The following ZNF532 variants were observed in gnomAD, a reference collection of about 807,000 sequenced individuals.
The protein encoded by ZNF532 is zinc finger protein 532.
A neutral mutation model predicts 89.3 loss-of-function variants in ZNF532; 22 were observed. That is an observed-to-expected ratio of 0.25 (90% CI 0.18 to 0.35). The LOEUF (loss-of-function observed/expected upper bound fraction) is 0.35. Among genes scored for constraint, ZNF532 ranks in the 10% least tolerant of loss-of-function variants. ZNF532 has a pLI of 1.00. For synonymous variants in ZNF532, 606 were observed against 649.6 expected (o/e 0.93, Z 1.02); for missense variants, 1,132 against 1,643.4 (o/e 0.69, Z 5.38).
intron 2 of ZNF532, among the ~76,000 whole-genome samples, chr18:58,895,805 C>T (rs2059207712): frequency 1.3e-5 from 2 of 152,154 alleles, no homozygotes; most frequent in Middle Eastern, 3.4e-3. Context: ...TAAGGGGTGC[C>T]AGACATTAGA....
intron 5 of ZNF532, among the ~76,000 whole-genome samples, chr18:58,941,963 T>TCCCCCTCC (rs1185416179): frequency 1.9e-5 from 2 of 106,582 alleles, no homozygotes; most frequent in Non-Finnish European, 3.9e-5. Flanking sequence ...TCCCTCCCTC[T>TCCCCCTCC]CTCCCTCCCT....
Position 58,919,708 on chromosome 18 carries a change from C to A in ZNF532, c.1421C>A (p.Thr474Asn), listed in dbSNP as rs751865763. 1 of 1,613,970 alleles carries A rather than the reference C, an allele frequency of 6.2e-7. No individual in the cohort carries two copies. Among genetic ancestry groups the A allele is most frequent in the Non-Finnish European group, 8.5e-7 (1 of 1,179,976 alleles). Residue 474 changes from threonine to asparagine, a missense_variant, in exon 3 of 10, where the codon ACC becomes AAC. Physicochemically the swap from Thr to Asn is moderately conservative, Grantham distance 65. Transcript: ENST00000591808. The surrounding 1 kb of genome is among the most constrained non-coding windows in gnomAD (Gnocchi z 6.1). The part of the protein sequence containing the change: ...QVINLKLANN[T>N]TVKATVISAA... ...ATTAATTTGAAGCTCGCTAACAACACCACGGTGAAAGCCACGGTCATATCT... is the reference window on the plus strand; with the variant it reads ...ATTAATTTGAAGCTCGCTAACAACAACACGGTGAAAGCCACGGTCATATCT...
intron 2 of ZNF532, among the ~76,000 whole-genome samples, chr18:58,880,711 C>T (rs1210964912): frequency 1.5e-5 from 2 of 135,770 alleles, no homozygotes; most frequent in Non-Finnish European, 3.3e-5. Flanking sequence ...AGTTCAGGGT[C>T]TTTTATAGGT....
At chr18:58,983,179 G>C (rs2068025403) in intron 9 of ZNF532, among the ~76,000 whole-genome samples, 1 of 152,190 alleles carries the variant, frequency 6.6e-6, no homozygotes, top group Non-Finnish European at 1.5e-5. Context: ...CACATGAACA[G>C]AGCAGAAAAG....
At chr18:58,932,270 GA>G (rs1209340438) in intron 3 of ZNF532, 1 of 152,208 alleles carries the variant, frequency 6.6e-6, no homozygotes, top group Non-Finnish European at 1.5e-5. Context: ...TTGGGGTGGG[GA>G]GACATGATGA....
intron 7 of ZNF532, among the ~76,000 whole-genome samples, chr18:58,965,711 A>C (rs1441188844): frequency 6.6e-6 from 1 of 152,222 alleles, no homozygotes; most frequent in African/African-American, 2.4e-5. Context: ...TTCTGGAATT[A>C]CTTGCAGTTG....
intron 7 of ZNF532, among the ~76,000 whole-genome samples, chr18:58,968,658 G>A (rs2147367319): frequency 6.6e-6 from 1 of 152,272 alleles, no homozygotes; most frequent in South Asian, 2.1e-4. Context: ...TGGGGTGGTG[G>A]GAGTGGGAGG....
intron 2 of ZNF532, among the ~76,000 whole-genome samples, chr18:58,893,123 C>A (rs1045796786): frequency 6.6e-6 from 1 of 151,788 alleles, no homozygotes; most frequent in Non-Finnish European, 1.5e-5. Flanking sequence ...GGATTACAGG[C>A]GTGTGCCACC....
chr18:58,981,265 C>G (rs753629109), intron 8 of ZNF532: 24 of 613,514 alleles, frequency 3.9e-5, no homozygotes, highest in Admixed American at 2.4e-4. Context: ...CAATATTTTC[C>G]CTTTAAAATT....
chr18:58,868,210 C>T (rs922191122), intron 2 of ZNF532, among the ~76,000 whole-genome samples: 3 of 152,176 alleles, frequency 2.0e-5, no homozygotes, highest in Non-Finnish European at 4.4e-5. Context: ...TACTCCTAAT[C>T]CCAGGACCAT....
intron 3 of ZNF532, among the ~76,000 whole-genome samples, chr18:58,928,973 T>C (rs1478121319): frequency 6.6e-6 from 1 of 152,246 alleles, no homozygotes; most frequent in Admixed American, 6.5e-5. Flanking sequence ...CTGGAAATGC[T>C]TTCTGTAACC....
chr18:58,967,031 A>G (rs573432707), intron 7 of ZNF532, among the ~76,000 whole-genome samples: 14 of 152,328 alleles, frequency 9.2e-5, no homozygotes, highest in Admixed American at 2.6e-4. Context: ...TATTAAGTAT[A>G]AAAACCCCAC....
intron 2 of ZNF532, among the ~76,000 whole-genome samples, chr18:58,897,857 G>A (rs898544022): frequency 6.6e-6 from 1 of 152,162 alleles, no homozygotes. Context: ...GGAGGCTGAG[G>A]CAGGAGAATT....
intron 2 of ZNF532, among the ~76,000 whole-genome samples, chr18:58,875,120 A>C (rs868674916): frequency 6.6e-6 from 1 of 152,148 alleles, no homozygotes; most frequent in Non-Finnish European, 1.5e-5. Flanking sequence ...TGTTGAATTC[A>C]TAACATTTTG....
intron 7 of ZNF532, among the ~76,000 whole-genome samples, chr18:58,960,111 G>A (rs984007614): frequency 6.6e-6 from 1 of 152,152 alleles, no homozygotes; most frequent in Non-Finnish European, 1.5e-5. Flanking sequence ...GCTAATTTTT[G>A]TATCTTTAGT....
At chr18:58,974,842 C>G (rs1568460050) in intron 7 of ZNF532, among the ~76,000 whole-genome samples, 1 of 152,226 alleles carries the variant, frequency 6.6e-6, no homozygotes, top group Non-Finnish European at 1.5e-5. Context: ...AGGTCTTTTT[C>G]AAGGTAAAGT....
chr18:58,872,760 C>T (rs143374911), intron 2 of ZNF532, among the ~76,000 whole-genome samples: 147 of 147,568 alleles, frequency 1.0e-3, no homozygotes, highest in Admixed American at 2.1e-3. Context: ...AGTACAGTGG[C>T]GTGATCTCGG....
chr18:58,913,493 G>C (rs950684668), intron 2 of ZNF532, among the ~76,000 whole-genome samples: 3 of 152,104 alleles, frequency 2.0e-5, no homozygotes, highest in African/African-American at 7.2e-5. Flanking sequence ...GCTCACACCT[G>C]TAATCCTGGC....
chr18:58,939,352 G>T, intron 4 of ZNF532, 93 bp from the exon 5 acceptor site: 1 of 1,005,532 alleles, frequency 9.9e-7, no homozygotes, highest in South Asian at 2.5e-5. Flanking sequence ...AAACCTAAAA[G>T]GGCTATGAAA....
Sources: gnomAD v4.1 joint callset for allele counts (sites outside exome capture counted in the v4.1 genomes callset) on GRCh38, gnomAD v4.1.1 for gene constraint, Gnocchi (gnomAD v3.1) non-coding constraint, MANE v1.5 for transcripts, NCBI Gene and HGNC (gene_info 2026-07-23, HGNC 2026-07-21) for gene names.